Variants in FASN observed in about 807,000 individuals in gnomAD.
FASN encodes the protein 3-hydroxyacyl-[acyl-carrier-protein] dehydratase.
In FASN, 50 loss-of-function variants were observed where a neutral mutation model predicts 250.0. That is an observed-to-expected ratio of 0.20 (90% confidence interval 0.16 to 0.25). The LOEUF is 0.25. Ranked by LOEUF, FASN falls within the 10% of genes least tolerant of loss-of-function variation. FASN has a pLI of 1.00. For synonymous variants in FASN, 1,909 were observed against 1,584.0 expected, an observed-to-expected ratio of 1.21 and a Z score of -4.87; for missense variants, 3,031 against 3,498.5, an observed-to-expected ratio of 0.87 and a Z score of 3.37.
rs780338976 is a variant in FASN, at chr17:82,080,794, G to A, written c.6724C>T (p.Arg2242Trp). ...MRLNSVQSSE[R>W]PLFLVHPIEG... ...ATTGGGTGCACCAGGAACAGGGGCC[G>A]CTCCGAGCTCTGCACGGAGTTGAGC... Residue 2242 changes from arginine to tryptophan, a missense_variant, in exon 39 of 43, where the codon CGG becomes TGG. Transcript: ENST00000306749. 1.2e-5 allele frequency: 20 copies of A among 1,605,722 alleles called. No homozygotes were observed. Among genetic ancestry groups the A allele is most frequent in the Middle Eastern group, 3.4e-4 (2 of 5,866 alleles).
In FASN at chr17:82,088,256, C is replaced by T. The variant is rs371010865; in HGVS notation, c.2645G>A (p.Gly882Asp). 189 of 1,606,660 alleles carry T rather than the reference C, an allele frequency of 1.2e-4. 1 individual carries two copies. Among genetic ancestry groups the T allele is most frequent in the Non-Finnish European group, 1.6e-5 (19 of 1,179,926 alleles). Residue 882 changes from glycine (G) to aspartate (D), a missense_variant, in exon 17 of 43, where the codon GGT (glycine) becomes GAT (aspartate). Coordinates refer to ENST00000306749, the MANE Select transcript of FASN (RefSeq NM_004104.5). ...GCCAGTGGCGGGGAAGAGGACGCGA[C>T]CGTCGAGGGTGTGGTCCACCAGGTA... ...DHYLVDHTLDGRVLFPATGYL... is the reference protein window; with the variant it reads ...DHYLVDHTLDDRVLFPATGYL...
chr17:82,092,954 G>T lies in FASN; in HGVS notation c.721C>A (p.Arg241=), dbSNP rs1140608. The T allele has an allele frequency of 2.5e-6, 4 of 1,611,128 alleles. No homozygotes were observed. The highest frequency in any genetic ancestry group is 3.4e-6 in the Non-Finnish European group (4 of 1,179,370). The part of the protein sequence containing the change: ...VLLTKKSLAR[R]VYATILNAGT... The stretch of plus-strand genomic sequence containing the variant: ...GCGTTCAGGATGGTGGCGTACACCC[G>T]CCGGGCCAGGGACTTCTTGGTCAGC... Residue 241 remains arginine (R), a synonymous_variant, in exon 6 of 43, where the codon CGG becomes AGG. Coordinates refer to ENST00000306749, the MANE Select transcript of FASN (RefSeq NM_004104.5).
chr17:82,079,154 G>A lies in FASN; in HGVS notation c.7525C>T (p.Arg2509Trp), dbSNP rs1375536316. 3.7e-6 allele frequency: 6 copies of A among 1,611,880 alleles called. No homozygotes were observed. The highest frequency in any genetic ancestry group is 2.2e-5 in the East Asian group (1 of 44,872). ...SSLAEPRVSV[R>W]EG Reference sequence around the variant, plus strand: ...GCGGGGGCACGGGCCTAGCCCTCCCGCACGCTCACGCGTGGCTCAGCCAGG... The same window carrying A: ...GCGGGGGCACGGGCCTAGCCCTCCCACACGCTCACGCGTGGCTCAGCCAGG... Residue 2509 changes from arginine (R) to tryptophan (W), a missense_variant, in exon 43 of 43, where the codon CGG becomes TGG. By Grantham distance (101) the Arg-to-Trp change is moderately radical. Coordinates refer to ENST00000306749, the MANE Select transcript of FASN (RefSeq NM_004104.5).
intron 33 of FASN, 49 bp from the exon 34 acceptor site, chr17:82,082,727 T>C (rs765381381): frequency 6.3e-7 from 1 of 1,598,356 alleles, no homozygotes; most frequent in Non-Finnish European, 8.5e-7. Context: ...TACGGTCTCT[T>C]CCCTACACGC....
Position 82,079,284 on chromosome 17 carries a change from C to T in FASN, c.7399-4G>A. 6.2e-7 allele frequency: 1 copy of T among 1,613,030 alleles called. No homozygotes were observed. The highest frequency in any genetic ancestry group is 8.5e-7 in the Non-Finnish European group (1 of 1,179,942). On this transcript the variant is annotated splice_region_variant and splice_polypyrimidine_tract_variant and intron_variant, in intron 42 of 42. Transcript: ENST00000306749. ...CGGATACTTTCCCGTCGCATACCTG[C>T]AGGGGATGCGATCAGCTGCCGTCCC...
rs146838277 is a variant in FASN, at chr17:82,091,342, C to T, written c.1372G>A (p.Ala458Thr). The T allele has an allele frequency of 8.0e-5, 129 of 1,610,312 alleles. No homozygotes were observed. The Middle Eastern group carries it at 1.3e-3, about 16-fold the overall frequency. Residue 458 changes from alanine to threonine, a missense_variant, in exon 9 of 43, where the codon GCG (alanine) becomes ACG (threonine). Coordinates refer to ENST00000306749, the MANE Select transcript of FASN (RefSeq NM_004104.5). The stretch of plus-strand genomic sequence containing the variant: ...GGCATGGCGGTGGCGGGGACAGCCG[C>T]GATGTCGTTCAGCATGCTCAGGAAA... ...LAFLSMLNDI[A>T]AVPATAMPFR...
In FASN at chr17:82,098,139, G is replaced by A; in HGVS notation, c.-26C>T. 2.8e-6 allele frequency: 1 copy of A among 350,906 alleles called. No homozygotes were observed. Among genetic ancestry groups the A allele is most frequent in the Non-Finnish European group, 5.1e-6 (1 of 195,026 alleles). 21.7% of individuals were successfully genotyped at this position (350,906 alleles called of 1,614,324 possible). A position where few individuals can be genotyped will look rare whatever the true frequency, so the allele number is the denominator to read the frequency against. On this transcript the variant is annotated 5_prime_UTR_variant, in exon 1 of 43. Coordinates refer to ENST00000306749, the MANE Select transcript of FASN (RefSeq NM_004104.5). ...CTCGTACCTGGTGAGGGCGCGGGCG[G>A]CGGTGCGGGCGGCGGAGAGCGAGGC...
rs373838349 is a variant in FASN, at chr17:82,082,026, C to A, written c.6146G>T (p.Arg2049Leu). The A allele has an allele frequency of 5.0e-6, 8 of 1,609,176 alleles. No homozygotes were observed. Among genetic ancestry groups the A allele is most frequent in the African/African-American group, 2.7e-5 (2 of 74,854 alleles). ...SAMERICEKR[R>L]HEGLPGLAVQ... ...GGGCCCACCTGGGAGGCCTTCGTGC[C>A]GGCGTTTCTCACAGATACGCTCCAT... The change falls in exon 36 of 43, where the codon CGG (arginine) becomes CTG (leucine). Residue 2049 changes from arginine to leucine, a missense_variant. By Grantham distance (102) the Arg-to-Leu change is moderately radical. Transcript: ENST00000306749.
At position 82,085,735 on chromosome 17, in the gene FASN, T is replaced by C; in HGVS notation, c.3869A>G (p.His1290Arg). 1 of 1,565,610 alleles carries C rather than the reference T, an allele frequency of 6.4e-7. No individual in the cohort carries two copies. Residue 1290 changes from histidine to arginine, a missense_variant, in exon 23 of 43, where the codon CAC (histidine) becomes CGC (arginine). Coordinates refer to ENST00000306749, the MANE Select transcript of FASN (RefSeq NM_004104.5). ...ATCCCACTGGCCCTGGGCAACGTCGTGCTGCTGCAGCTCGGCCTGGGCAGC... is the reference window on the plus strand; with the variant it reads ...ATCCCACTGGCCCTGGGCAACGTCGCGCTGCTGCAGCTCGGCCTGGGCAGC... Reference protein sequence around the residue: ...LEAAQAELQQHDVAQGQWDPA... With the variant: ...LEAAQAELQQRDVAQGQWDPA...
intron 4 of FASN, 81 bp from the exon 5 acceptor site, chr17:82,093,500 C>T: frequency 1.3e-6 from 2 of 1,588,868 alleles, no homozygotes; most frequent in South Asian, 1.1e-5. Context: ...CCAGGCTGGA[C>T]ACACACTGCA....
At chr17:82,092,873 C>A (rs17848963) in intron 6 of FASN, 24 bp downstream of exon 6, 2 of 1,591,954 alleles carry the variant, frequency 1.3e-6, no homozygotes, top group Non-Finnish European at 1.7e-6. Context: ...CCCCCCAGCA[C>A]CCCGGAACCC....
chr17:82,089,611 C>T (rs374634245), intron 12 of FASN, 21 bp downstream of exon 12: 43 of 1,576,958 alleles, frequency 2.7e-5, no homozygotes, highest in East Asian at 1.9e-4. Context: ...CAGAGGAGCC[C>T]GCCCAGGCCG....
rs1261247491 is a variant in FASN, at chr17:82,080,400, G to C, written c.7017C>G (p.Gly2339=). The part of the protein sequence containing the change: ...PTHNSLFLFD[G]SPTYVLAYTQ... ...TGTAGGCCAGTACGTAGGTGGGCGAGCCGTCGAACAGGAAGAGGCTGTTGT... is the reference window on the plus strand; with the variant it reads ...TGTAGGCCAGTACGTAGGTGGGCGACCCGTCGAACAGGAAGAGGCTGTTGT... The change falls in exon 40 of 43, where the codon GGC becomes GGG. Residue 2339 remains glycine (G), a synonymous_variant. Transcript: ENST00000306749. The C allele has an allele frequency of 6.2e-7, 1 of 1,602,904 alleles. No individual in the cohort carries two copies. The highest frequency in any genetic ancestry group is 2.2e-5 in the East Asian group (1 of 44,468).
At position 82,096,372 on chromosome 17, in the gene FASN, T is replaced by C. The variant is rs1455886880; in HGVS notation, c.74A>G (p.Asn25Ser). ...GACCATGTCCACACCGCCGATGAGG[T>C]TGTCCCAGAACTCCTGCAAGTTCTC... ...ESENLQEFWDNLIGGVDMVTD... is the reference protein window; with the variant it reads ...ESENLQEFWDSLIGGVDMVTD... Residue 25 changes from asparagine (N) to serine (S), a missense_variant, in exon 2 of 43, where the codon AAC becomes AGC. Asn to Ser is a conservative substitution (Grantham distance 46). Coordinates refer to ENST00000306749, the MANE Select transcript of FASN (RefSeq NM_004104.5). The C allele has an allele frequency of 2.5e-6, 4 of 1,612,996 alleles. No individual in the cohort carries two copies. The highest frequency in any genetic ancestry group is 3.4e-6 in the Non-Finnish European group (4 of 1,179,984).
In FASN at chr17:82,090,425, C is replaced by A; in HGVS notation, c.1820G>T (p.Gly607Val). Residue 607 changes from glycine to valine, a missense_variant, in exon 11 of 43, where the codon GGA becomes GTA. By Grantham distance (109) the Gly-to-Val change is moderately radical. Coordinates refer to ENST00000306749, the MANE Select transcript of FASN (RefSeq NM_004104.5). ...GAGATGGGCTTCTTTGATGCACTGTCCCCTCCAGTAGGCAGCGAGGACGGC... is the reference window on the plus strand; with the variant it reads ...GAGATGGGCTTCTTTGATGCACTGTACCCTCCAGTAGGCAGCGAGGACGGC... ...EEAVLAAYWR[G>V]QCIKEAHLPP... The A allele has an allele frequency of 6.2e-7, 1 of 1,602,276 alleles. No individual in the cohort carries two copies. Among genetic ancestry groups the A allele is most frequent in the Non-Finnish European group, 8.5e-7 (1 of 1,175,588 alleles).
Position 82,084,579 on chromosome 17 carries a change from A to G in FASN, c.4702T>C (p.Tyr1568His). Residue 1568 changes from tyrosine (Y) to histidine (H), a missense_variant, in exon 27 of 43, where the codon TAC becomes CAC. Tyr to His is a moderately conservative substitution (Grantham distance 83). Coordinates refer to ENST00000306749, the MANE Select transcript of FASN (RefSeq NM_004104.5). ...CPGAQLCTVYYASLNFRDIML... is the reference protein window; with the variant it reads ...CPGAQLCTVYHASLNFRDIML... Reference sequence around the variant, plus strand: ...ATGTCGCGGAAGTTGAGGGAGGCGTAGTAGACCGTGCAGAGCTGGGCGCCA... The same window carrying G: ...ATGTCGCGGAAGTTGAGGGAGGCGTGGTAGACCGTGCAGAGCTGGGCGCCA... 6.2e-7 allele frequency: 1 copy of G among 1,611,378 alleles called. No individual in the cohort carries two copies. Among genetic ancestry groups the G allele is most frequent in the East Asian group, 2.2e-5 (1 of 44,836 alleles).
rs1452884752 is a variant in FASN, at chr17:82,085,039, G to A, written c.4405C>T (p.Leu1469Phe). 1 of 1,610,196 alleles carries A rather than the reference G, an allele frequency of 6.2e-7. No individual in the cohort carries two copies. Among genetic ancestry groups the A allele is most frequent in the Non-Finnish European group, 8.5e-7 (1 of 1,178,676 alleles). The change falls in exon 25 of 43, where the codon CTC (leucine) becomes TTC (phenylalanine). Residue 1469 changes from leucine to phenylalanine, a missense_variant. Leu to Phe is a conservative substitution (Grantham distance 22). Coordinates refer to ENST00000306749, the MANE Select transcript of FASN (RefSeq NM_004104.5). ...GGTGAGGGGCCGTGCTCCTACCGGA[G>A]GCGGTTCCCGCCGGGCTCTCGGCGG... Reference protein sequence around the residue: ...CLRREPGGNRLRCVLLSNLSS... With the variant: ...CLRREPGGNRFRCVLLSNLSS...
intron 10 of FASN, 37 bp downstream of exon 10, chr17:82,090,845 G>A (rs2034191333): frequency 6.4e-7 from 1 of 1,553,466 alleles, no homozygotes; most frequent in African/African-American, 1.4e-5. Flanking sequence ...GAGCCCTGGG[G>A]CTGGCGTTGC....
Position 82,082,016 on chromosome 17 carries a change from G to A in FASN, c.6156C>T (p.Gly2052=). 1.9e-6 allele frequency: 3 copies of A among 1,608,232 alleles called. No homozygotes were observed. The highest frequency in any genetic ancestry group is 1.3e-5 in the African/African-American group (1 of 74,978). Residue 2052 remains glycine (G), a synonymous_variant, in exon 36 of 43, where the codon GGC becomes GGT. Transcript: ENST00000306749. ...ERICEKRRHE[G]LPGLAVQWGA... ...GGAGAGGGTGGGGCCCACCTGGGAG[G>A]CCTTCGTGCCGGCGTTTCTCACAGA...
Sources: gnomAD v4.1 joint callset for allele counts on GRCh38, gnomAD v4.1.1 for gene constraint, MANE v1.5 for transcripts, NCBI Gene and HGNC (gene_info 2026-07-23, HGNC 2026-07-21) for gene names.